NMD3: variants seen among roughly 807,000 people sequenced by gnomAD.
NMD3 encodes 60S ribosomal export protein NMD3.
A neutral mutation model predicts 73.1 loss-of-function variants in NMD3; 47 were observed. The ratio of observed to expected loss-of-function variants is 0.64; its 90% CI spans 0.51 to 0.82. The LOEUF is 0.82. NMD3 is among the 40% of genes least tolerant of loss of function. The pLI, the probability that NMD3 is intolerant of heterozygous loss-of-function variation, is 0.00. For synonymous variants in NMD3, 210 were observed against 194.5 expected (o/e 1.08, Z -0.66); for missense variants, 554 against 612.5 (o/e 0.90, Z 1.01).
chr3:161,238,216 C>G lies in NMD3; in HGVS notation c.656+25C>G. 2.1e-6 allele frequency: 3 copies of G among 1,433,626 alleles called. No individual in the cohort carries two copies. In the African/African-American group the frequency reaches 4.3e-5, roughly 21 times the overall value. The allele number at this position is 1,433,626 out of a possible 1,614,324, so 88.8% of individuals were successfully genotyped here. On this transcript the variant is annotated intron_variant, in intron 8 of 15. Transcript: ENST00000351193. Reference sequence around the variant, plus strand: ...GGTATGTTCTGAACCTTGAATGTGACTAAATCTAAGGACTTGGGAATGGAT... The same window carrying G: ...GGTATGTTCTGAACCTTGAATGTGAGTAAATCTAAGGACTTGGGAATGGAT...
In NMD3 at chr3:161,238,132, T is replaced by C; in HGVS notation, c.597T>C (p.Tyr199=). 1 of 1,599,114 alleles carries C rather than the reference T, an allele frequency of 6.3e-7. No homozygotes were observed. Among genetic ancestry groups the C allele is most frequent in the Non-Finnish European group, 8.5e-7 (1 of 1,173,544 alleles). ...TTTAAGATGGTCTGGATTTTTATTA[T>C]TCCTCAAAACAACATGCTCAGAAGA... ...KEIHDGLDFY[Y]SSKQHAQKMV... is the part of the protein sequence containing the mutation. The change falls in exon 8 of 16, where the codon TAT becomes TAC. Residue 199 remains tyrosine (Y), a synonymous_variant. Transcript: ENST00000351193.
Position 161,250,847 on chromosome 3 carries a change from G to T in NMD3, c.1449G>T (p.Met483Ile). 6.2e-7 allele frequency: 1 copy of T among 1,612,322 alleles called. No homozygotes were observed. Among genetic ancestry groups the T allele is most frequent in the Non-Finnish European group, 8.5e-7 (1 of 1,178,494 alleles). Residue 483 changes from methionine to isoleucine, a missense_variant, in exon 16 of 16, where the codon ATG (methionine) becomes ATT (isoleucine). Transcript: ENST00000351193. ...CACCTCGAATTAGTCTGGCTGAGAT[G>T]CTTGAAGACCTTCATATTTCCCAAG... ...EGAPRISLAE[M>I]LEDLHISQDA...
intron 13 of NMD3, 83 bp from the exon 14 acceptor site, chr3:161,249,371 G>T: frequency 3.8e-6 from 3 of 795,278 alleles, no homozygotes; most frequent in Middle Eastern, 2.3e-4. Flanking sequence ...TCATTAGTTT[G>T]GTCATTTTTT....
intron 10 of NMD3, among the ~76,000 whole-genome samples, 176 bp downstream of exon 10, chr3:161,241,339 T>C (rs1027614580): frequency 6.6e-6 from 1 of 152,226 alleles, no homozygotes; most frequent in Non-Finnish European, 1.5e-5. Context: ...TTAGTTACTT[T>C]TGTATTTTTT....
chr3:161,249,619 T>C (rs909220860), intron 14 of NMD3, 59 bp downstream of exon 14: 1 of 1,079,022 alleles, frequency 9.3e-7, no homozygotes, highest in South Asian at 1.3e-5. Flanking sequence ...TGATAAATAC[T>C]TTTTATGTTG....
chr3:161,238,950 A>T, intron 9 of NMD3, 124 bp downstream of exon 9: 1 of 538,352 alleles, frequency 1.9e-6, no homozygotes. Context: ...AAGTTCCTTA[A>T]GTGACTTCTA....
chr3:161,231,766 T>C (rs1428410559), intron 4 of NMD3, among the ~76,000 whole-genome samples: 1 of 151,950 alleles, frequency 6.6e-6, no homozygotes, highest in Non-Finnish European at 1.5e-5. Flanking sequence ...AATCAGGAGA[T>C]CTAGAAGGTG....
chr3:161,221,652 G>A (rs1736086120), intron 1 of NMD3: 1 of 171,706 alleles, frequency 5.8e-6, no homozygotes, highest in African/African-American at 2.4e-5. Context: ...CTGGGCTGGT[G>A]GAGAGCGGGA....
Position 161,225,046 on chromosome 3 carries a change from T to A in NMD3, c.161T>A (p.Phe54Tyr), listed in dbSNP as rs1736259616. 1 of 1,613,936 alleles carries A rather than the reference T, an allele frequency of 6.2e-7. No individual in the cohort carries two copies. Among genetic ancestry groups the A allele is most frequent in the Non-Finnish European group, 8.5e-7 (1 of 1,179,976 alleles). Residue 54 changes from phenylalanine (F) to tyrosine (Y), a missense_variant, in exon 3 of 16, where the codon TTC becomes TAC. Coordinates refer to ENST00000351193, the MANE Select transcript of NMD3 (RefSeq NM_015938.5). ...QGIPKQVSIS[F>Y]CKQCQRYFQP... is the part of the protein sequence containing the mutation. ...ATTCCGAAACAAGTCTCGATTTCGTTCTGCAAACAATGTCAAAGGTACAGT... is the reference window on the plus strand; with the variant it reads ...ATTCCGAAACAAGTCTCGATTTCGTACTGCAAACAATGTCAAAGGTACAGT...
At chr3:161,224,318 A>G (rs1471929100) in intron 2 of NMD3, among the ~76,000 whole-genome samples, 1 of 152,172 alleles carries the variant, frequency 6.6e-6, no homozygotes, top group African/African-American at 2.4e-5. Flanking sequence ...ACCAGAATAG[A>G]ACATTTCTGT....
intron 4 of NMD3, among the ~76,000 whole-genome samples, chr3:161,232,591 G>C (rs988264404): frequency 2.0e-5 from 3 of 152,266 alleles, no homozygotes; most frequent in Admixed American, 2.0e-4. Flanking sequence ...AAATACTTGA[G>C]CATCATTCTG....
At chr3:161,225,982 A>G (rs1277887062) in intron 3 of NMD3, among the ~76,000 whole-genome samples, 1 of 152,138 alleles carries the variant, frequency 6.6e-6, no homozygotes, top group Non-Finnish European at 1.5e-5. Flanking sequence ...ATTTGCTATT[A>G]AAAGCCTGGT....
In NMD3 at chr3:161,247,160, A is replaced by C. The variant is rs1737246749; in HGVS notation, c.1131-98A>C. ...ACTTTTAAAGTGAGAAGCATATTAA[A>C]TGTTTGATTTTTAGGAAGTTTTAGG... is the stretch of plus-strand genomic sequence containing the variant. On this transcript the variant is annotated intron_variant, in intron 12 of 15. Transcript: ENST00000351193. 7 of 700,680 alleles carry C rather than the reference A, an allele frequency of 1.0e-5. No homozygotes were observed. In the South Asian group the frequency reaches 1.2e-4, roughly 12 times the overall value. 43.4% of individuals were successfully genotyped at this position (700,680 alleles called of 1,614,324 possible).
intron 7 of NMD3, among the ~76,000 whole-genome samples, chr3:161,236,113 A>G (rs1361196914): frequency 1.3e-5 from 2 of 152,026 alleles, no homozygotes; most frequent in African/African-American, 4.8e-5. Flanking sequence ...GAGTACTATA[A>G]TGGGTCTGTA....
chr3:161,229,173 C>T (rs1033074631), intron 4 of NMD3, among the ~76,000 whole-genome samples: 1 of 152,204 alleles, frequency 6.6e-6, no homozygotes, highest in South Asian at 2.1e-4. Context: ...CTTGTAGGCC[C>T]TTATAGGGGC....
At chr3:161,223,397 C>T (rs982498297) in intron 2 of NMD3, among the ~76,000 whole-genome samples, 2 of 151,818 alleles carry the variant, frequency 1.3e-5, no homozygotes, top group Admixed American at 6.6e-5. Context: ...ATGATAGTTC[C>T]GTCATTTATA....
At chr3:161,241,015 C>A in intron 9 of NMD3, 31 bp from the exon 10 acceptor site, 1 of 1,341,982 alleles carries the variant, frequency 7.5e-7, no homozygotes, top group Non-Finnish European at 1.1e-6. Flanking sequence ...TTAGGATATG[C>A]CTCATTCTAA....
chr3:161,249,670 T>A, intron 14 of NMD3, 110 bp downstream of exon 14: 1 of 734,608 alleles, frequency 1.4e-6, no homozygotes, highest in Non-Finnish European at 2.4e-6. Context: ...TGCACTCAAT[T>A]ATAATCTTGG....
chr3:161,238,338 C>G (rs901941470), intron 8 of NMD3, 147 bp downstream of exon 8: 4 of 618,732 alleles, frequency 6.5e-6, no homozygotes, highest in Non-Finnish European at 1.1e-5. Context: ...TTGGGTTAAC[C>G]ACCCACTCAC....
Sources: allele counts gnomAD v4.1 joint callset (sites outside exome capture counted in the v4.1 genomes callset), GRCh38; gene constraint gnomAD v4.1.1; transcripts MANE v1.5; gene names NCBI Gene and HGNC (gene_info 2026-07-23, HGNC 2026-07-21).